The following MED26 variants were observed in gnomAD, a reference collection of about 807,000 sequenced individuals.
MED26 encodes the protein mediator complex subunit 26, also known as mediator of RNA polymerase II transcription subunit 26.
Under a neutral mutation model 43.7 loss-of-function variants are expected in MED26, and 7 were observed. That is an observed-to-expected ratio of 0.16 (90% confidence interval 0.09 to 0.30). The LOEUF (loss-of-function observed/expected upper bound fraction) is 0.30, where lower values mean the gene tolerates loss of function less well. Among genes scored for constraint, MED26 ranks in the 10% least tolerant of loss-of-function variants. The probability of loss-of-function intolerance (pLI) is 1.00; values close to 1 mark genes in which losing one functional copy is unlikely to be tolerated. For synonymous variants in MED26, 375 were observed against 371.1 expected, an observed-to-expected ratio of 1.01 and a Z score of -0.12; for missense variants, 784 against 840.6, an observed-to-expected ratio of 0.93 and a Z score of 0.83.
In MED26 at chr19:16,575,863, G is replaced by A. The variant is rs1334916436; in HGVS notation, c.*164C>T. On this transcript the variant is annotated 3_prime_UTR_variant, in exon 3 of 3. Transcript: ENST00000263390. The stretch of plus-strand genomic sequence containing the variant: ...TTTCACAAAAAGAGTTTTGAGGGAA[G>A]AGCGCAGAGAGACCGCGTGACTCCC... 5 of 621,414 alleles carry A rather than the reference G, an allele frequency of 8.0e-6. No individual in the cohort carries two copies. The highest frequency in any genetic ancestry group is 8.0e-5 in the South Asian group (4 of 50,090). 38.5% of individuals were successfully genotyped at this position (621,414 alleles called of 1,614,324 possible).
intron 1 of MED26, among the ~76,000 whole-genome samples, chr19:16,584,118 T>C (rs1396122338): frequency 6.6e-6 from 1 of 151,932 alleles, no homozygotes; most frequent in Non-Finnish European, 1.5e-5. Flanking sequence ...ACGGGCGCGG[T>C]GGTGTGCACC....
At chr19:16,627,117 A>AC (rs1178675582) in intron 1 of MED26, among the ~76,000 whole-genome samples, 1 of 152,070 alleles carries the variant, frequency 6.6e-6, no homozygotes, top group Non-Finnish European at 1.5e-5. Flanking sequence ...TCTTGGGTAA[A>AC]CGGGAGAGAA....
chr19:16,605,167 A>T (rs537450432), intron 1 of MED26, among the ~76,000 whole-genome samples: 1 of 152,378 alleles, frequency 6.6e-6, no homozygotes, highest in African/African-American at 2.4e-5. Context: ...AAATAAAAAG[A>T]CAAATGTGAA....
chr19:16,585,782 C>A (rs907931226), intron 1 of MED26, among the ~76,000 whole-genome samples: 1 of 152,212 alleles, frequency 6.6e-6, no homozygotes, highest in Admixed American at 6.5e-5. Flanking sequence ...AAACTCCTGT[C>A]GGCAAATATT....
At chr19:16,611,031 A>G (rs2086197145) in intron 1 of MED26, 1 of 152,256 alleles carries the variant, frequency 6.6e-6, no homozygotes, top group East Asian at 1.9e-4. Flanking sequence ...AGGGTGATGG[A>G]AAACCACTGA....
At chr19:16,627,668 C>G (rs2086287030) in intron 1 of MED26, among the ~76,000 whole-genome samples, 1 of 152,242 alleles carries the variant, frequency 6.6e-6, no homozygotes, top group Non-Finnish European at 1.5e-5. Flanking sequence ...ACGGAAGCCT[C>G]GGCCTCACGT....
chr19:16,576,941 C>A lies in MED26; in HGVS notation c.889G>T (p.Val297Leu). The part of the protein sequence containing the change: ...QQSLYAPKGS[V>L]PSPSPRPQAL... ...TGGGGCCGCGGTGAGGGGCTGGGCA[C>A]GGAGCCCTTGGGTGCATACAAGCTC... The change falls in exon 3 of 3, where the codon GTG becomes TTG. Residue 297 changes from valine (V) to leucine (L), a missense_variant. Val to Leu is a conservative substitution (Grantham distance 32, BLOSUM62 1). Around this residue, in one of 3 missense-constraint regions of MED26, gnomAD observed 719 missense variants for 730.9 expected, o/e 0.98. Coordinates refer to ENST00000263390, the MANE Select transcript of MED26 (RefSeq NM_004831.5). This position sits in a 1 kb window ranked among gnomAD's most constrained non-coding sequence, Gnocchi z 6.8. 6.3e-7 allele frequency: 1 copy of A among 1,595,598 alleles called. No individual in the cohort carries two copies. The highest frequency in any genetic ancestry group is 8.6e-7 in the Non-Finnish European group (1 of 1,169,270).
At chr19:16,600,546 T>A (rs2086143794) in intron 1 of MED26, among the ~76,000 whole-genome samples, 1 of 152,042 alleles carries the variant, frequency 6.6e-6, no homozygotes, top group Admixed American at 6.5e-5. Flanking sequence ...AGCCTCAACC[T>A]CACTTTCTAA....
chr19:16,584,842 A>G (rs148696705), intron 1 of MED26, among the ~76,000 whole-genome samples: 1 of 152,336 alleles, frequency 6.6e-6, no homozygotes, highest in African/African-American at 2.4e-5. Context: ...ACAAATAAAG[A>G]TGAGAAAATA....
At chr19:16,617,860 C>T (rs2086233063) in intron 1 of MED26, among the ~76,000 whole-genome samples, 2 of 152,094 alleles carry the variant, frequency 1.3e-5, no homozygotes, top group East Asian at 1.9e-4. Context: ...GGTGGAATAC[C>T]CATTCACAAA....
Position 16,574,969 on chromosome 19 carries a change from T to G in MED26, c.*1058A>C, listed in dbSNP as rs1219267234. 1 of 152,544 alleles carries G rather than the reference T, an allele frequency of 6.6e-6. No individual in the cohort carries two copies. Among genetic ancestry groups the G allele is most frequent in the Non-Finnish European group, 1.5e-5 (1 of 68,024 alleles). The allele number at this position is 152,544 out of a possible 1,614,324, so 9.4% of individuals were successfully genotyped here. On this transcript the variant is annotated 3_prime_UTR_variant, in exon 3 of 3. Transcript: ENST00000263390. ...ACATTTATATCACAAGGTGTCCACT[T>G]ACTGGACCAAATAGCAAAGTTGCTC...
intron 1 of MED26, among the ~76,000 whole-genome samples, chr19:16,599,077 G>A (rs2086136232): frequency 6.6e-6 from 1 of 152,200 alleles, no homozygotes. Context: ...CGCTGGTGCA[G>A]TAGGAAGCCT....
In MED26 at chr19:16,627,888, A is replaced by G; in HGVS notation, c.56T>C (p.Ile19Thr). Residue 19 changes from isoleucine (I) to threonine (T), a missense_variant, in exon 1 of 3, where the codon ATC (isoleucine) becomes ACC (threonine). By Grantham distance (89) the Ile-to-Thr change is moderately conservative. Transcript: ENST00000263390. ...QQIRDRLLQAIDPQSNIRNMV... is the reference protein window; with the variant it reads ...QQIRDRLLQATDPQSNIRNMV... ...GGTACTTACGTTGCTCTGGGGGTCG[A>G]TGGCCTGCAGCAGCCGGTCCCTGAT... 6.7e-7 allele frequency: 1 copy of G among 1,497,286 alleles called. No individual in the cohort carries two copies. The highest frequency in any genetic ancestry group is 2.1e-5 in the Admixed American group (1 of 47,034). 92.8% of individuals were successfully genotyped at this position (1,497,286 alleles called of 1,614,324 possible).
chr19:16,616,931 A>G lies in MED26; in HGVS notation c.72+10941T>C, dbSNP rs150454009. On this transcript the variant is annotated intron_variant, in intron 1 of 2. Transcript: ENST00000263390. Reference sequence around the variant, plus strand: ...TGGTGAGCACAGAGAACAGCGCCCTAAAGAGAAGACAACCTGGCGTGACAA... The same window carrying G: ...TGGTGAGCACAGAGAACAGCGCCCTGAAGAGAAGACAACCTGGCGTGACAA... Among the ~76,000 whole-genome samples, 3 of 152,278 alleles carry G rather than the reference A, an allele frequency of 2.0e-5. No individual in the cohort carries two copies. In the East Asian group the frequency reaches 5.8e-4, roughly 29 times the overall value.
intron 1 of MED26, among the ~76,000 whole-genome samples, chr19:16,603,190 A>G (rs1459318286): frequency 6.6e-6 from 1 of 152,176 alleles, no homozygotes; most frequent in Non-Finnish European, 1.5e-5. Flanking sequence ...ATAAATGGAC[A>G]GGGCAGCCAA....
At chr19:16,588,092 C>T (rs754190712) in intron 1 of MED26, 1 of 152,286 alleles carries the variant, frequency 6.6e-6, no homozygotes, top group Non-Finnish European at 1.5e-5. Flanking sequence ...TTCTTACTGC[C>T]ATTTGGCCCT....
chr19:16,602,015 C>T (rs2086151990), intron 1 of MED26, among the ~76,000 whole-genome samples: 1 of 152,188 alleles, frequency 6.6e-6, no homozygotes, highest in Admixed American at 6.5e-5. Context: ...GGGAAGCCCA[C>T]CACTCGGCTG....
intron 1 of MED26, chr19:16,624,492 C>G (rs531482991): frequency 6.6e-6 from 1 of 152,390 alleles, no homozygotes; most frequent in South Asian, 2.1e-4. Context: ...TCTCAGGCCT[C>G]TCCCTGGTCT....
intron 1 of MED26, among the ~76,000 whole-genome samples, chr19:16,614,322 A>AT (rs2086213139): frequency 6.6e-6 from 1 of 152,044 alleles, no homozygotes; most frequent in African/African-American, 2.4e-5. Flanking sequence ...GAGCTCAGGA[A>AT]TTTGAGACCA....
Sources: allele counts gnomAD v4.1 joint callset (sites outside exome capture counted in the v4.1 genomes callset), GRCh38; gene constraint gnomAD v4.1.1; regional missense constraint gnomAD v4.1.1; non-coding constraint Gnocchi (gnomAD v3.1); transcripts MANE v1.5; gene names NCBI Gene and HGNC (gene_info 2026-07-23, HGNC 2026-07-21).